OSBPL3: variants seen among roughly 807,000 people sequenced by gnomAD.
The protein encoded by OSBPL3 is oxysterol-binding protein-related protein 3.
OSBPL3 carries 65 observed loss-of-function variants against 120.1 expected under a neutral mutation model. The ratio of observed to expected loss-of-function variants is 0.54; its 90% CI spans 0.44 to 0.67. The LOEUF (loss-of-function observed/expected upper bound fraction) is 0.67. Ranked by LOEUF, OSBPL3 falls within the 30% of genes least tolerant of loss-of-function variation. The probability of loss-of-function intolerance (pLI) is 0.00; values close to 1 mark genes in which losing one functional copy is unlikely to be tolerated. For synonymous variants in OSBPL3, 416 were observed against 402.6 expected (o/e 1.03, Z -0.40); for missense variants, 1,004 against 1,082.1 (o/e 0.93, Z 1.01).
At position 24,800,117 on chromosome 7, in the gene OSBPL3, G is replaced by A; in HGVS notation, c.*66C>T. On this transcript the variant is annotated 3_prime_UTR_variant, in exon 23 of 23. Coordinates refer to ENST00000313367, the MANE Select transcript of OSBPL3 (RefSeq NM_015550.4). ...GTATCTTTTAAATATATAAACACAG[G>A]TTTGTGCCACTTCAGAAGGCAAGCA... 1.2e-6 allele frequency: 1 copy of A among 858,394 alleles called. No individual in the cohort carries two copies. Among genetic ancestry groups the A allele is most frequent in the African/African-American group, 1.7e-5 (1 of 60,024 alleles). 53.2% of individuals were successfully genotyped at this position (858,394 alleles called of 1,614,324 possible).
At position 24,881,621 on chromosome 7, in the gene OSBPL3, A is replaced by C. The variant is rs8180767; in HGVS notation, c.97-9552T>G. On this transcript the variant is annotated intron_variant, in intron 2 of 22. Coordinates refer to ENST00000313367, the MANE Select transcript of OSBPL3 (RefSeq NM_015550.4). The surrounding 1 kb of genome is among the most constrained non-coding windows in gnomAD (Gnocchi z 4.3). ...CATAATCTCCAAAGCCTAGATCCACATGAGCTGGGACTCCCAGAAAAAATG... is the reference window on the plus strand; with the variant it reads ...CATAATCTCCAAAGCCTAGATCCACCTGAGCTGGGACTCCCAGAAAAAATG... 0.47 allele frequency among the ~76,000 whole-genome samples: 71,149 copies of C among 152,134 alleles called. 18,869 individuals are homozygous for C. The highest frequency in any genetic ancestry group is 0.81 in the East Asian group (4,214 of 5,182).
At chr7:24,907,015 T>C (rs1808035296) in intron 1 of OSBPL3, among the ~76,000 whole-genome samples, 1 of 152,094 alleles carries the variant, frequency 6.6e-6, no homozygotes. Flanking sequence ...CTGATTAAGA[T>C]ACCCACCCTC....
chr7:24,892,785 AG>A (rs1805566170), intron 1 of OSBPL3, among the ~76,000 whole-genome samples, 164 bp from the exon 2 acceptor site: 1 of 152,224 alleles, frequency 6.6e-6, no homozygotes, highest in African/African-American at 2.4e-5. Flanking sequence ...ATTCTCTTAC[AG>A]GGAATTTTGT....
intron 1 of OSBPL3, among the ~76,000 whole-genome samples, chr7:24,928,884 A>T (rs979360095): frequency 1.3e-5 from 2 of 152,154 alleles, no homozygotes; most frequent in African/African-American, 4.8e-5. Flanking sequence ...TTTGTTGTAT[A>T]AATGCACCAC....
At chr7:24,853,998 C>G (rs896284758) in intron 10 of OSBPL3, among the ~76,000 whole-genome samples, 1 of 152,136 alleles carries the variant, frequency 6.6e-6, no homozygotes, top group Non-Finnish European at 1.5e-5. Flanking sequence ...CCCTCAGGTA[C>G]AATGAGGGCT....
At chr7:24,814,411 T>C (rs971079914) in intron 19 of OSBPL3, among the ~76,000 whole-genome samples, 2 of 151,318 alleles carry the variant, frequency 1.3e-5, no homozygotes, top group Non-Finnish European at 2.9e-5. Context: ...CTGAGAAAGA[T>C]GGAAGCTGTT....
chr7:24,908,162 T>C (rs909935469), intron 1 of OSBPL3, among the ~76,000 whole-genome samples: 2 of 152,354 alleles, frequency 1.3e-5, no homozygotes, highest in Admixed American at 1.3e-4. Flanking sequence ...CAAAGCATCC[T>C]TCTTTGGGGA....
chr7:24,863,518 G>A lies in OSBPL3; in HGVS notation c.755C>T (p.Ala252Val). 1 of 1,613,810 alleles carries A rather than the reference G, an allele frequency of 6.2e-7. No individual in the cohort carries two copies. Reference protein sequence around the residue: ...SMDVLHRTYSAPAINAIQGGS... With the variant: ...SMDVLHRTYSVPAINAIQGGS... ...CACCTGGATGGCGTTGATAGCTGGT[G>A]CCGAGTATGTCCGATGCAGGACGTC... The change falls in exon 8 of 23, where the codon GCA becomes GTA. Residue 252 changes from alanine to valine, a missense_variant. This residue lies in a region of OSBPL3 where 272 missense variants were observed against 248.8 expected (regional missense o/e 1.09). Coordinates refer to ENST00000313367, the MANE Select transcript of OSBPL3 (RefSeq NM_015550.4). This position sits in a 1 kb window ranked among gnomAD's most constrained non-coding sequence, Gnocchi z 5.8.
intron 20 of OSBPL3, among the ~76,000 whole-genome samples, chr7:24,807,362 G>A (rs1183756322): frequency 3.3e-5 from 5 of 151,936 alleles, no homozygotes; most frequent in African/African-American, 4.8e-5. Flanking sequence ...GCATGGTCTC[G>A]GGCGCCTGTA....
Position 24,863,665 on chromosome 7 carries a change from C to A in OSBPL3, c.674-66G>T. On this transcript the variant is annotated intron_variant, in intron 7 of 22. Transcript: ENST00000313367. This position sits in a 1 kb window ranked among gnomAD's most constrained non-coding sequence, Gnocchi z 5.8. ...GCAAGAGGGATCACTGTGCTGTCCCCATGCCAGCTACTTTTCCTTATTTAT... is the reference window on the plus strand; with the variant it reads ...GCAAGAGGGATCACTGTGCTGTCCCAATGCCAGCTACTTTTCCTTATTTAT... 1 of 1,009,306 alleles carries A rather than the reference C, an allele frequency of 9.9e-7. No homozygotes were observed. Among genetic ancestry groups the A allele is most frequent in the Non-Finnish European group, 1.5e-6 (1 of 645,876 alleles). The allele number at this position is 1,009,306 out of a possible 1,614,324, so 62.5% of individuals were successfully genotyped here. A position where few individuals can be genotyped will look rare whatever the true frequency, so the allele number is the denominator to read the frequency against.
At chr7:24,945,023 C>T (rs1446799066) in intron 1 of OSBPL3, among the ~76,000 whole-genome samples, 1 of 152,184 alleles carries the variant, frequency 6.6e-6, no homozygotes, top group East Asian at 1.9e-4. Context: ...ACTGCCAGGT[C>T]CTTTGGTGGC....
At chr7:24,962,024 G>A (rs1815802964) in intron 1 of OSBPL3, among the ~76,000 whole-genome samples, 1 of 152,050 alleles carries the variant, frequency 6.6e-6, no homozygotes, top group South Asian at 2.1e-4. Context: ...TTAATAAAGA[G>A]ACATTCAGTG....
At position 24,855,740 on chromosome 7, in the gene OSBPL3, T is replaced by G. The variant is rs1428379187; in HGVS notation, c.1028-3106A>C. On this transcript the variant is annotated intron_variant, in intron 10 of 22. Coordinates refer to ENST00000313367, the MANE Select transcript of OSBPL3 (RefSeq NM_015550.4). This position sits in a 1 kb window ranked among gnomAD's most constrained non-coding sequence, Gnocchi z 4.3. ...TCAGGAACACTCTCTGTGATAGGAG[T>G]GCTTTCTTACTTATTTCTAACATGA... 6.6e-6 allele frequency among the ~76,000 whole-genome samples: 1 copy of G among 152,160 alleles called. No individual in the cohort carries two copies. Among genetic ancestry groups the G allele is most frequent in the Admixed American group, 6.5e-5 (1 of 15,276 alleles).
rs565332146 is a variant in OSBPL3 at position 24,802,918 on chromosome 7, C to G, written c.2567+1397G>C. 6.6e-6 allele frequency among the ~76,000 whole-genome samples: 1 copy of G among 151,974 alleles called. No homozygotes were observed. Among genetic ancestry groups the G allele is most frequent in the South Asian group, 2.1e-4 (1 of 4,826 alleles). ...TAACATTTCCATCTTATTCTTTAAA[C>G]GTTTAAATGAAGCTTGAATATTTCA... On this transcript the variant is annotated intron_variant, in intron 22 of 22. Coordinates refer to ENST00000313367, the MANE Select transcript of OSBPL3 (RefSeq NM_015550.4). The surrounding 1 kb of genome is among the most constrained non-coding windows in gnomAD (Gnocchi z 4.1).
intron 1 of OSBPL3, among the ~76,000 whole-genome samples, chr7:24,903,271 G>A (rs1376830754): frequency 3.3e-5 from 5 of 152,176 alleles, no homozygotes; most frequent in South Asian, 4.1e-4. Context: ...TGAGGAAAGC[G>A]TGGACTCACA....
chr7:24,818,764 C>T lies in OSBPL3; in HGVS notation c.1948+1411G>A, dbSNP rs1794772328. On this transcript the variant is annotated intron_variant, in intron 17 of 22. Coordinates refer to ENST00000313367, the MANE Select transcript of OSBPL3 (RefSeq NM_015550.4). The surrounding 1 kb of genome is among the most constrained non-coding windows in gnomAD (Gnocchi z 4.0). ...AAACGGAAATGGTTTACACAACCTA[C>T]ATAAAAGGCAGAGAAATGTCAGGCT... Among the ~76,000 whole-genome samples the T allele has an allele frequency of 6.6e-6, 1 of 152,114 alleles. No individual in the cohort carries two copies. The highest frequency in any genetic ancestry group is 2.1e-4 in the South Asian group (1 of 4,818).
chr7:24,819,185 G>A lies in OSBPL3; in HGVS notation c.1948+990C>T, dbSNP rs763957559. On this transcript the variant is annotated intron_variant, in intron 17 of 22. Transcript: ENST00000313367. The surrounding 1 kb of genome is among the most constrained non-coding windows in gnomAD (Gnocchi z 4.1). ...GGAGAATCACTTGAACACGGGAGAC[G>A]GAGGTTGCAGTGAGCCGAGATCGCA... Among the ~76,000 whole-genome samples the A allele has an allele frequency of 4.0e-5, 6 of 151,184 alleles. No individual in the cohort carries two copies. Among genetic ancestry groups the A allele is most frequent in the African/African-American group, 7.3e-5 (3 of 41,046 alleles).
At position 24,854,564 on chromosome 7, in the gene OSBPL3, C is replaced by T. The variant is rs889320869; in HGVS notation, c.1028-1930G>A. ...AACACACACAATGGTGCTGCCTCTG[C>T]CAACAGAAGATGGGGGTCAAATGGA... On this transcript the variant is annotated intron_variant, in intron 10 of 22. Transcript: ENST00000313367. The surrounding 1 kb of genome is among the most constrained non-coding windows in gnomAD (Gnocchi z 4.1). Among the ~76,000 whole-genome samples the T allele has an allele frequency of 5.3e-5, 8 of 151,640 alleles. No homozygotes were observed. In the East Asian group the frequency reaches 1.4e-3, roughly 26 times the overall value.
Position 24,815,290 on chromosome 7 carries a change from C to A in OSBPL3, c.2028-87G>T. ...AACTCTGCTCTTTTATAAAATAAGT[C>A]ATGCAATGCATTATTCATCTCTTTA... On this transcript the variant is annotated intron_variant, in intron 18 of 22. Transcript: ENST00000313367. This position sits in a 1 kb window ranked among gnomAD's most constrained non-coding sequence, Gnocchi z 5.1. 2 of 988,108 alleles carry A rather than the reference C, an allele frequency of 2.0e-6. No individual in the cohort carries two copies. Among genetic ancestry groups the A allele is most frequent in the South Asian group, 1.4e-5 (1 of 70,386 alleles). The allele number at this position is 988,108 out of a possible 1,614,324, so 61.2% of individuals were successfully genotyped here.
Sources: allele counts gnomAD v4.1 joint callset (sites outside exome capture counted in the v4.1 genomes callset), GRCh38; gene constraint gnomAD v4.1.1; regional missense constraint gnomAD v4.1.1; non-coding constraint Gnocchi (gnomAD v3.1); transcripts MANE v1.5; gene names NCBI Gene and HGNC (gene_info 2026-07-23, HGNC 2026-07-21).